DISC1: variants seen among roughly 807,000 people sequenced by gnomAD.
DISC1 encodes DISC1 scaffold protein.
In DISC1, 57 loss-of-function variants were observed where a neutral mutation model predicts 84.5. The observed-to-expected ratio is 0.67, with a 90% CI of 0.55 to 0.84. The LOEUF (loss-of-function observed/expected upper bound fraction) is 0.84, where lower values mean the gene tolerates loss of function less well. Among genes scored for constraint, DISC1 ranks in the 40% least tolerant of loss-of-function variants. The pLI is 0.00. For missense variants in DISC1, 1,000 were observed against 1,057.8 expected, an observed-to-expected ratio of 0.95 and a Z score of 0.76; for synonymous variants, 411 against 415.2, an observed-to-expected ratio of 0.99 and a Z score of 0.12.
intron 4 of DISC1, among the ~76,000 whole-genome samples, chr1:231,751,125 C>T (rs1426483632): frequency 6.6e-6 from 1 of 152,138 alleles, no homozygotes; most frequent in African/African-American, 2.4e-5. Flanking sequence ...TGAATTTCAC[C>T]TCGCCATTTT....
intron 4 of DISC1, chr1:231,750,532 C>A: frequency 1.0e-6 from 1 of 991,838 alleles, no homozygotes; most frequent in Non-Finnish European, 1.2e-6. Context: ...TCACCCAAGG[C>A]TCTTCTGAGA....
chr1:231,736,080 C>T (rs1413975778), intron 3 of DISC1, among the ~76,000 whole-genome samples: 2 of 152,112 alleles, frequency 1.3e-5, no homozygotes, highest in Non-Finnish European at 2.9e-5. Flanking sequence ...TCTCAAAGTG[C>T]TAGGATTATA....
intron 8 of DISC1, among the ~76,000 whole-genome samples, chr1:231,808,999 G>C (rs985464814): frequency 6.6e-6 from 1 of 152,246 alleles, no homozygotes; most frequent in Non-Finnish European, 1.5e-5. Context: ...TGCAGAGAGA[G>C]AGAAACAAGG....
chr1:231,967,077 C>G (rs1661218905), intron 10 of DISC1, among the ~76,000 whole-genome samples: 1 of 152,170 alleles, frequency 6.6e-6, no homozygotes, highest in African/African-American at 2.4e-5. Context: ...TTTTTAAAAA[C>G]TAATGTTTAC....
chr1:232,000,580 C>G (rs1209008945), intron 10 of DISC1, among the ~76,000 whole-genome samples: 1 of 152,142 alleles, frequency 6.6e-6, no homozygotes, highest in Non-Finnish European at 1.5e-5. Context: ...CATAATCCTA[C>G]AGATTCAAGA....
intron 9 of DISC1, among the ~76,000 whole-genome samples, chr1:231,953,770 A>G (rs1275397589): frequency 6.6e-6 from 1 of 152,210 alleles, no homozygotes; most frequent in Non-Finnish European, 1.5e-5. Context: ...AAACTTTGCC[A>G]TTAATGCTAA....
At chr1:232,010,165 C>G (rs1212383061) in intron 11 of DISC1, among the ~76,000 whole-genome samples, 3 of 152,192 alleles carry the variant, frequency 2.0e-5, no homozygotes, top group Non-Finnish European at 4.4e-5. Context: ...GTCACAGGCT[C>G]TACGTTAATT....
Position 231,753,666 on chromosome 1 carries a change from C to T in DISC1, c.1268+3590C>T, listed in dbSNP as rs192036745. Among the ~76,000 whole-genome samples, 110 of 152,292 alleles carry T rather than the reference C, an allele frequency of 7.2e-4. 1 individual carries two copies. The highest frequency in any genetic ancestry group is 2.6e-3 in the African/African-American group (107 of 41,570). On this transcript the variant is annotated intron_variant, in intron 4 of 12. Transcript: ENST00000439617. Reference sequence around the variant, plus strand: ...CAAATTTTTGCAGCCTGCTTGAATTCCTCCCTCGAAAATGGTCTTTTCTTT... The same window carrying T: ...CAAATTTTTGCAGCCTGCTTGAATTTCTCCCTCGAAAATGGTCTTTTCTTT...
intron 4 of DISC1, among the ~76,000 whole-genome samples, chr1:231,761,883 C>G (rs1538976): frequency 0.18 from 26,848 of 152,098 alleles, 2,507 homozygotes; most frequent in Non-Finnish European, 0.2. Flanking sequence ...GGGCCCTCAC[C>G]ATGAGATGAG....
At chr1:231,862,683 A>G (rs1416569183) in intron 9 of DISC1, among the ~76,000 whole-genome samples, 1 of 152,206 alleles carries the variant, frequency 6.6e-6, no homozygotes, top group Non-Finnish European at 1.5e-5. Flanking sequence ...TGGGTTAATA[A>G]TGGTGACTTC....
At chr1:231,661,458 C>G (rs2061557164) in intron 1 of DISC1, among the ~76,000 whole-genome samples, 1 of 152,042 alleles carries the variant, frequency 6.6e-6, no homozygotes, top group African/African-American at 2.4e-5. Context: ...TCTTTTTTCT[C>G]TATTCTTGTC....
intron 1 of DISC1, among the ~76,000 whole-genome samples, chr1:231,652,066 C>T (rs570754562): frequency 6.3e-4 from 96 of 152,216 alleles, no homozygotes; most frequent in Non-Finnish European, 9.3e-4. Context: ...ATGCCCCGCC[C>T]TGCTTCGGCT....
At chr1:231,980,738 GC>G (rs1663473994) in intron 10 of DISC1, among the ~76,000 whole-genome samples, 1 of 152,124 alleles carries the variant, frequency 6.6e-6, no homozygotes, top group Non-Finnish European at 1.5e-5. Context: ...TTGCTCAAGA[GC>G]CCTGAAGCTT....
chr1:231,974,959 G>T (rs1299934620), intron 10 of DISC1, among the ~76,000 whole-genome samples: 1 of 152,102 alleles, frequency 6.6e-6, no homozygotes, highest in African/African-American at 2.4e-5. Context: ...AATTAGCTGG[G>T]CGTGGTGGCA....
chr1:232,007,886 G>A (rs1667652145), intron 10 of DISC1, among the ~76,000 whole-genome samples: 1 of 152,132 alleles, frequency 6.6e-6, no homozygotes, highest in African/African-American at 2.4e-5. Flanking sequence ...ATTGAATCAT[G>A]GGGGCAGTTT....
intron 9 of DISC1, among the ~76,000 whole-genome samples, chr1:231,941,707 G>T (rs535421258): frequency 1.3e-5 from 2 of 152,058 alleles, no homozygotes; most frequent in Non-Finnish European, 2.9e-5. Context: ...TCTTGACCTC[G>T]TGATCTGCCT....
chr1:231,663,465 TC>T (rs1339879452), intron 1 of DISC1, among the ~76,000 whole-genome samples: 2 of 152,168 alleles, frequency 1.3e-5, no homozygotes, highest in Non-Finnish European at 2.9e-5. Context: ...TTCAGTTACT[TC>T]CTGTTTCCTG....
At chr1:231,996,943 T>C (rs976219524) in intron 10 of DISC1, among the ~76,000 whole-genome samples, 10 of 152,162 alleles carry the variant, frequency 6.6e-5, no homozygotes, top group African/African-American at 2.4e-4. Context: ...TTACTAATGA[T>C]CTAATTGTTT....
intron 9 of DISC1, among the ~76,000 whole-genome samples, chr1:231,857,965 A>T (rs537724090): frequency 6.6e-6 from 1 of 152,338 alleles, no homozygotes; most frequent in South Asian, 2.1e-4. Flanking sequence ...GGAGAAAAAC[A>T]TCAGCTAACT....
Sources: allele counts gnomAD v4.1 joint callset (sites outside exome capture counted in the v4.1 genomes callset), GRCh38; gene constraint gnomAD v4.1.1; transcripts MANE v1.5; gene names NCBI Gene and HGNC (gene_info 2026-07-23, HGNC 2026-07-21).